The following USP54 variants were observed in gnomAD, a reference collection of about 807,000 sequenced individuals.
USP54 encodes ubiquitin specific peptidase 54.
USP54 carries 87 observed loss-of-function variants against 170.5 expected under a neutral mutation model. That is an observed-to-expected ratio of 0.51 (90% CI 0.43 to 0.61). USP54 has a LOEUF of 0.61. USP54 is among the 20% of genes least tolerant of loss of function. The pLI, the probability that USP54 is intolerant of heterozygous loss-of-function variation, is 0.00. For missense variants in USP54, 1,786 were observed against 2,047.8 expected, an observed-to-expected ratio of 0.87 and a Z score of 2.47; for synonymous variants, 655 against 742.8, an observed-to-expected ratio of 0.88 and a Z score of 1.92.
chr10:73,581,600 A>G (rs1044204390), intron 1 of USP54, among the ~76,000 whole-genome samples: 12 of 152,218 alleles, frequency 7.9e-5, no homozygotes, highest in African/African-American at 1.2e-4. Flanking sequence ...GTGTCAGAGA[A>G]TCTAAGTCTG....
At chr10:73,583,082 T>C (rs1424687000) in intron 1 of USP54, among the ~76,000 whole-genome samples, 7 of 152,250 alleles carry the variant, frequency 4.6e-5, no homozygotes, top group Admixed American at 1.3e-4. Flanking sequence ...ATTTGACAAA[T>C]AGCCCTCAAA....
chr10:73,599,297 C>A (rs1053058668), intron 1 of USP54, among the ~76,000 whole-genome samples: 1 of 152,150 alleles, frequency 6.6e-6, no homozygotes, highest in African/African-American at 2.4e-5. Flanking sequence ...GTAGAACAAT[C>A]CCCTGATCCA....
chr10:73,522,792 C>T (rs138524362), intron 17 of USP54, among the ~76,000 whole-genome samples: 1 of 152,252 alleles, frequency 6.6e-6, no homozygotes, highest in Admixed American at 6.5e-5. Context: ...CAAGAAGATT[C>T]TCTAAGTGTA....
chr10:73,507,676 A>C (rs2059404736), intron 20 of USP54, among the ~76,000 whole-genome samples: 1 of 148,760 alleles, frequency 6.7e-6, no homozygotes, highest in African/African-American at 2.5e-5. Flanking sequence ...TCGCAAAAAA[A>C]AAAAAAAAAA....
chr10:73,550,189 G>T (rs1041886148), intron 4 of USP54, among the ~76,000 whole-genome samples: 2 of 152,176 alleles, frequency 1.3e-5, no homozygotes, highest in Admixed American at 1.3e-4. Context: ...CTCCCAAAGT[G>T]CTGGGATAAC....
Position 73,511,339 on chromosome 10 carries a change from A to AT in USP54, c.4051+5035dup, listed in dbSNP as rs112878419. The stretch of plus-strand genomic sequence containing the variant: ...CATGTAAATTACATATCAATAAAGC[A>AT]TTTTTTTTTTTTTAGCATTTTTTGA... On this transcript the variant is annotated intron_variant, in intron 20 of 23. Transcript: ENST00000687698. 1.9e-3 allele frequency among the ~76,000 whole-genome samples: 275 copies of AT among 145,036 alleles called. 2 individuals are homozygous for AT. The highest frequency in any genetic ancestry group is 4.2e-3 in the East Asian group (21 of 4,992).
At chr10:73,550,251 C>T (rs1336426065) in intron 4 of USP54, among the ~76,000 whole-genome samples, 1 of 152,230 alleles carries the variant, frequency 6.6e-6, no homozygotes, top group African/African-American at 2.4e-5. Flanking sequence ...GTTCACCCTA[C>T]ACCAGCTGGC....
chr10:73,564,238 C>A (rs117626502), intron 4 of USP54, among the ~76,000 whole-genome samples: 4,756 of 152,182 alleles, frequency 0.031, 209 homozygotes, highest in East Asian at 0.22. Flanking sequence ...TAGGCTCAAG[C>A]GATCCTCCCA....
At position 73,517,018 on chromosome 10, in the gene USP54, G is replaced by C; in HGVS notation, c.3408C>G (p.Phe1136Leu). Residue 1136 changes from phenylalanine to leucine, a missense_variant, in exon 20 of 24, where the codon TTC (phenylalanine) becomes TTG (leucine). Phe to Leu is a conservative substitution (Grantham distance 22, BLOSUM62 0). This residue lies in a region of USP54 where 1,418 missense variants were observed against 1,569.0 expected (regional missense o/e 0.90). Transcript: ENST00000687698. ...TCATGGAGACACCCTGCATCCTCTG[G>C]AACTGCTCAGCCAGAGAACGGACAA... ...KGLVRSLAEQ[F>L]QRMQGVSMRD... 3 of 1,614,160 alleles carry C rather than the reference G, an allele frequency of 1.9e-6. No individual in the cohort carries two copies. The highest frequency in any genetic ancestry group is 2.5e-6 in the Non-Finnish European group (3 of 1,180,042).
intron 1 of USP54, among the ~76,000 whole-genome samples, chr10:73,616,941 C>G (rs2080690717): frequency 6.7e-6 from 1 of 150,276 alleles, no homozygotes; most frequent in East Asian, 1.9e-4. Context: ...AGAAAAAAGC[C>G]CAGTTACAAA....
rs779824117 is a variant in USP54 at position 73,500,665 on chromosome 10, A to C, written c.4485T>G (p.Asn1495Lys). ...ATTTGGGGGAGTTACCTGGGAGTCTATTGGGCTCCCCTGCCATGGTGGGCA... is the reference window on the plus strand; with the variant it reads ...ATTTGGGGGAGTTACCTGGGAGTCTCTTGGGCTCCCCTGCCATGGTGGGCA... Reference protein sequence around the residue: ...VLMPTMAGEPNRLPGTSRSVQ... With the variant: ...VLMPTMAGEPKRLPGTSRSVQ... Residue 1495 changes from asparagine to lysine, a missense_variant, in exon 23 of 24, where the codon AAT (asparagine) becomes AAG (lysine). Transcript: ENST00000687698. 1 of 1,598,720 alleles carries C rather than the reference A, an allele frequency of 6.3e-7. No individual in the cohort carries two copies. The highest frequency in any genetic ancestry group is 8.5e-7 in the Non-Finnish European group (1 of 1,174,140).
intron 20 of USP54, among the ~76,000 whole-genome samples, chr10:73,508,479 A>G (rs971563491): frequency 3.3e-5 from 5 of 152,048 alleles, no homozygotes; most frequent in East Asian, 1.9e-4. Flanking sequence ...TCAATAGAAG[A>G]AAGGGTTAAG....
chr10:73,505,045 C>G, intron 21 of USP54, 55 bp from the exon 22 acceptor site: 1 of 1,608,044 alleles, frequency 6.2e-7, no homozygotes. Flanking sequence ...TTATGGTTTT[C>G]CCACAGACAG....
At chr10:73,588,215 T>TTTTTTG (rs200190110) in intron 1 of USP54, among the ~76,000 whole-genome samples, 6 of 152,158 alleles carry the variant, frequency 3.9e-5, no homozygotes, top group South Asian at 2.1e-4. Context: ...GTTGTTGTTG[T>TTTTTTG]TTTTTGTTTT....
At chr10:73,580,227 G>A (rs914389441) in intron 1 of USP54, among the ~76,000 whole-genome samples, 1 of 150,568 alleles carries the variant, frequency 6.6e-6, no homozygotes, top group Admixed American at 6.6e-5. Context: ...ATTGAGGCAG[G>A]AGAATTGCTT....
At chr10:73,616,002 T>G (rs2080600718) in intron 1 of USP54, among the ~76,000 whole-genome samples, 1 of 146,402 alleles carries the variant, frequency 6.8e-6, no homozygotes, top group Non-Finnish European at 1.5e-5. Context: ...AGGCCAGGAG[T>G]TCAAGACCAG....
intron 1 of USP54, among the ~76,000 whole-genome samples, chr10:73,596,848 GC>G (rs2078780792): frequency 2.0e-5 from 3 of 151,764 alleles, no homozygotes; most frequent in Admixed American, 2.0e-4. Flanking sequence ...CCATAGAGAA[GC>G]CATAAGGTGC....
intron 20 of USP54, among the ~76,000 whole-genome samples, chr10:73,515,041 GAA>G (rs111739719): frequency 7.3e-6 from 1 of 137,480 alleles, no homozygotes; most frequent in Admixed American, 7.4e-5. Context: ...ACTCTTCTCA[GAA>G]AAAAAAAAAA....
chr10:73,528,091 A>G (rs2063283882), intron 15 of USP54, among the ~76,000 whole-genome samples: 1 of 151,886 alleles, frequency 6.6e-6, no homozygotes, highest in African/African-American at 2.4e-5. Flanking sequence ...GCGCGCCACC[A>G]TGCCCAGCTA....
Sources: gnomAD v4.1 joint callset for allele counts (sites outside exome capture counted in the v4.1 genomes callset) on GRCh38, gnomAD v4.1.1 for gene constraint, gnomAD v4.1.1 regional missense constraint, MANE v1.5 for transcripts, NCBI Gene and HGNC (gene_info 2026-07-23, HGNC 2026-07-21) for gene names.